The following SUSD6 variants were observed in gnomAD, a reference collection of about 807,000 sequenced individuals.
SUSD6 encodes the protein sushi domain-containing protein 6.
A neutral mutation model predicts 28.4 loss-of-function variants in SUSD6; 16 were observed. The ratio of observed to expected loss-of-function variants is 0.56; its 90% CI spans 0.38 to 0.86. The LOEUF (loss-of-function observed/expected upper bound fraction) is 0.86, where lower values mean the gene tolerates loss of function less well. Among genes scored for constraint, SUSD6 ranks in the 40% least tolerant of loss-of-function variants. The pLI, the probability that SUSD6 is intolerant of heterozygous loss-of-function variation, is 0.00. For missense variants in SUSD6, 341 were observed against 384.2 expected (o/e 0.89, Z 0.94); for synonymous variants, 147 against 159.6 (o/e 0.92, Z 0.59).
intron 1 of SUSD6, among the ~76,000 whole-genome samples, chr14:69,627,284 G>T (rs1885128303): frequency 6.6e-6 from 1 of 152,172 alleles, no homozygotes; most frequent in South Asian, 2.1e-4. Flanking sequence ...AGAAAAGGAT[G>T]AAGCTCTGGG....
chr14:69,629,961 A>C lies in SUSD6; in HGVS notation c.-81+18133A>C, dbSNP rs540104639. Among the ~76,000 whole-genome samples, 29 of 152,292 alleles carry C rather than the reference A, an allele frequency of 1.9e-4. 1 individual carries two copies. In the South Asian group the frequency reaches 5.8e-3, roughly 30 times the overall value. On this transcript the variant is annotated intron_variant, in intron 1 of 5. Coordinates refer to ENST00000342745, the MANE Select transcript of SUSD6 (RefSeq NM_014734.4). ...ATAAACATTGTCTTGTCTCATTTGC[A>C]TGGTTGTTGAGAGGTTTGAATGTAG... is the stretch of plus-strand genomic sequence containing the variant.
intron 2 of SUSD6, among the ~76,000 whole-genome samples, chr14:69,678,494 G>A (rs1885948470): frequency 6.6e-6 from 1 of 152,078 alleles, no homozygotes; most frequent in African/African-American, 2.4e-5. Flanking sequence ...GGCGACTCCA[G>A]TTGTTCACTG....
At chr14:69,665,101 A>G (rs185816670) in intron 2 of SUSD6, among the ~76,000 whole-genome samples, 108 of 152,160 alleles carry the variant, frequency 7.1e-4, no homozygotes, top group Non-Finnish European at 2.5e-4. Context: ...GGACAGAAAC[A>G]TTTAGAGATA....
At position 69,653,747 on chromosome 14, in the gene SUSD6, C is replaced by CTTTTTTTTT. The variant is rs3048700; in HGVS notation, c.-80-4754_-80-4746dup. Among the ~76,000 whole-genome samples the CTTTTTTTTT allele has an allele frequency of 6.2e-3, 577 of 93,166 alleles. 7 individuals carry two copies. Among genetic ancestry groups the CTTTTTTTTT allele is most frequent in the Non-Finnish European group, 7.2e-3 (362 of 50,018 alleles). The allele number at this position is 93,166 out of a possible 152,430, so 61.1% of individuals were successfully genotyped here. A position where few individuals can be genotyped will look rare whatever the true frequency, so the allele number is the denominator to read the frequency against. ...TAGGGATAATGAATACCTAGTGAAA[C>CTTTTTTTTT]TTTTTTTTTTTTTTTTTTTTGCTTG... On this transcript the variant is annotated intron_variant, in intron 1 of 5. Transcript: ENST00000342745.
intron 1 of SUSD6, among the ~76,000 whole-genome samples, chr14:69,627,472 T>C (rs1482511990): frequency 6.6e-6 from 1 of 152,144 alleles, no homozygotes; most frequent in Non-Finnish European, 1.5e-5. Context: ...ACAGATGTTA[T>C]TTATTTATTT....
intron 2 of SUSD6, among the ~76,000 whole-genome samples, chr14:69,697,422 G>A (rs544466911): frequency 2.6e-5 from 4 of 152,056 alleles, no homozygotes; most frequent in Non-Finnish European, 5.9e-5. Flanking sequence ...AGATGGAGTC[G>A]CTGTCATTCA....
At chr14:69,661,435 A>G (rs2139616559) in intron 2 of SUSD6, among the ~76,000 whole-genome samples, 1 of 152,266 alleles carries the variant, frequency 6.6e-6, no homozygotes, top group East Asian at 1.9e-4. Flanking sequence ...CCAGGATGGG[A>G]AAGTTGGCTC....
At chr14:69,629,411 C>T (rs1178470134) in intron 1 of SUSD6, among the ~76,000 whole-genome samples, 1 of 152,124 alleles carries the variant, frequency 6.6e-6, no homozygotes, top group East Asian at 1.9e-4. Flanking sequence ...AAAGGCAGCT[C>T]CCATATCAGT....
chr14:69,688,316 T>C (rs534206131), intron 2 of SUSD6, among the ~76,000 whole-genome samples: 1 of 152,304 alleles, frequency 6.6e-6, no homozygotes, highest in African/African-American at 2.4e-5. Flanking sequence ...TCCTTCAAAG[T>C]GTGTAGTGTT....
chr14:69,692,938 G>C (rs1021666490), intron 2 of SUSD6, among the ~76,000 whole-genome samples: 1 of 152,200 alleles, frequency 6.6e-6, no homozygotes, highest in Non-Finnish European at 1.5e-5. Flanking sequence ...TTTAGCTCAG[G>C]TAGGTGATAT....
At chr14:69,643,476 A>G (rs1015551380) in intron 1 of SUSD6, among the ~76,000 whole-genome samples, 2 of 152,226 alleles carry the variant, frequency 1.3e-5, no homozygotes, top group African/African-American at 4.8e-5. Context: ...TGCACCTTCT[A>G]GCAGAAGATT....
chr14:69,696,229 G>A (rs559837419), intron 2 of SUSD6, among the ~76,000 whole-genome samples: 167 of 152,326 alleles, frequency 1.1e-3, no homozygotes, highest in African/African-American at 3.9e-3. Context: ...CAAATGTGTG[G>A]CTTGAGGCAG....
intron 1 of SUSD6, among the ~76,000 whole-genome samples, chr14:69,618,255 A>G (rs1884987211): frequency 6.6e-6 from 1 of 152,170 alleles, no homozygotes; most frequent in South Asian, 2.1e-4. Context: ...CCTTCAGTCT[A>G]TGTGTATTAC....
At chr14:69,638,299 C>T (rs60085780) in intron 1 of SUSD6, among the ~76,000 whole-genome samples, 1,813 of 152,184 alleles carry the variant, frequency 0.012, 48 homozygotes, top group African/African-American at 0.041. Flanking sequence ...TGTAATTTAG[C>T]TTGTGCTTCA....
chr14:69,693,160 G>C (rs1886176536), intron 2 of SUSD6, among the ~76,000 whole-genome samples: 1 of 152,194 alleles, frequency 6.6e-6, no homozygotes, highest in South Asian at 2.1e-4. Flanking sequence ...ATAGGTCACT[G>C]TACTGACCTA....
Position 69,704,733 on chromosome 14 carries a change from A to C in SUSD6, c.449A>C (p.His150Pro), listed in dbSNP as rs1378717007. Reference sequence around the variant, plus strand: ...CTGCAGCCAAAGCTGAAGTCTTTCCATCATAGCAGGTGAGTCCAGTGGCAG... The same window carrying C: ...CTGCAGCCAAAGCTGAAGTCTTTCCCTCATAGCAGGTGAGTCCAGTGGCAG... ...VLLQPKLKSFHHSRRDQGVSG... is the reference protein window; with the variant it reads ...VLLQPKLKSFPHSRRDQGVSG... The change falls in exon 4 of 6, where the codon CAT becomes CCT. Residue 150 changes from histidine to proline, a missense_variant. Coordinates refer to ENST00000342745, the MANE Select transcript of SUSD6 (RefSeq NM_014734.4). 6.2e-7 allele frequency: 1 copy of C among 1,613,968 alleles called. No homozygotes were observed. The highest frequency in any genetic ancestry group is 2.2e-5 in the East Asian group (1 of 44,856).
chr14:69,686,705 C>T (rs1886078973), intron 2 of SUSD6, among the ~76,000 whole-genome samples: 3 of 152,082 alleles, frequency 2.0e-5, no homozygotes, highest in African/African-American at 7.2e-5. Context: ...TTTTTAAAAC[C>T]GTCAAATCTT....
intron 2 of SUSD6, among the ~76,000 whole-genome samples, chr14:69,696,309 T>TAGAGAGAGAACCCAGA (rs1424347957): frequency 6.6e-6 from 1 of 152,232 alleles, no homozygotes; most frequent in African/African-American, 2.4e-5. Flanking sequence ...CTGCTTCATG[T>TAGAGAGAGAACCCAGA]AGAGAGAGAA....
chr14:69,681,676 G>A (rs1044189910), intron 2 of SUSD6, among the ~76,000 whole-genome samples: 2 of 152,206 alleles, frequency 1.3e-5, no homozygotes, highest in African/African-American at 4.8e-5. Flanking sequence ...TCTTGAGAAT[G>A]GTCGCTATAA....
Sources: allele counts gnomAD v4.1 joint callset (sites outside exome capture counted in the v4.1 genomes callset), GRCh38; gene constraint gnomAD v4.1.1; transcripts MANE v1.5; gene names NCBI Gene and HGNC (gene_info 2026-07-23, HGNC 2026-07-21).